FAM227B: variants seen among roughly 807,000 people sequenced by gnomAD.
The protein encoded by FAM227B is protein FAM227B.
A neutral mutation model predicts 73.8 loss-of-function variants in FAM227B; 88 were observed. That is an observed-to-expected ratio of 1.19 (90% CI 1.00 to 1.42). The LOEUF (loss-of-function observed/expected upper bound fraction) is 1.42. Among genes scored for constraint, FAM227B ranks in the 40% most tolerant of loss-of-function variants. The pLI, the probability that FAM227B is intolerant of heterozygous loss-of-function variation, is 0.00. For synonymous variants in FAM227B, 210 were observed against 190.5 expected (o/e 1.10, Z -0.84); for missense variants, 632 against 590.9 (o/e 1.07, Z -0.72).
At chr15:49,412,155 T>C (rs775405500) in intron 11 of FAM227B, among the ~76,000 whole-genome samples, 3 of 152,076 alleles carry the variant, frequency 2.0e-5, no homozygotes, top group Admixed American at 6.6e-5. Context: ...GGCTAAGAAA[T>C]GAAAGCTATA....
intron 2 of FAM227B, among the ~76,000 whole-genome samples, chr15:49,613,488 G>T (rs111693763): frequency 6.6e-6 from 1 of 152,124 alleles, no homozygotes; most frequent in Non-Finnish European, 1.5e-5. Context: ...GTGACAGAGC[G>T]AGACTCTCTC....
intron 11 of FAM227B, among the ~76,000 whole-genome samples, chr15:49,405,218 G>C (rs539323026): frequency 5.3e-5 from 8 of 152,220 alleles, no homozygotes; most frequent in Non-Finnish European, 1.0e-4. Context: ...AGAATCTGAT[G>C]ATTATGTGTC....
At chr15:49,464,604 G>C (rs1471000311) in intron 11 of FAM227B, among the ~76,000 whole-genome samples, 1 of 152,118 alleles carries the variant, frequency 6.6e-6, no homozygotes, top group African/African-American at 2.4e-5. Context: ...AATTATACAA[G>C]ATAAAAGTCA....
At chr15:49,591,716 A>G (rs531253812) in intron 3 of FAM227B, among the ~76,000 whole-genome samples, 4 of 151,568 alleles carry the variant, frequency 2.6e-5, no homozygotes, top group African/African-American at 9.7e-5. Context: ...TGAACTCCTG[A>G]CCTTGTGATC....
chr15:49,375,504 AT>A (rs35474058), intron 11 of FAM227B, among the ~76,000 whole-genome samples: 15 of 151,160 alleles, frequency 9.9e-5, no homozygotes, highest in South Asian at 2.1e-4. Flanking sequence ...AAGCATTTCT[AT>A]TTTTTTTTAT....
intron 3 of FAM227B, 72 bp downstream of exon 3, chr15:49,611,142 TA>T: frequency 1.1e-6 from 1 of 902,062 alleles, no homozygotes; most frequent in Non-Finnish European, 1.8e-6. Context: ...AAGTTTATTC[TA>T]AGCCTTCTAA....
chr15:49,334,316 A>G, intron 14 of FAM227B: 5 of 801,720 alleles, frequency 6.2e-6, no homozygotes, highest in Non-Finnish European at 7.6e-6. Flanking sequence ...GTTTGAAGTT[A>G]AATTTTAAAA....
chr15:49,465,585 A>T (rs1228536500), intron 11 of FAM227B, among the ~76,000 whole-genome samples: 1 of 132,966 alleles, frequency 7.5e-6, no homozygotes, highest in Admixed American at 7.9e-5. Context: ...ATTTAGCCAA[A>T]ACCAAAAAAG....
intron 13 of FAM227B, among the ~76,000 whole-genome samples, chr15:49,337,214 A>T (rs769050855): frequency 4.6e-5 from 7 of 152,222 alleles, no homozygotes; most frequent in Non-Finnish European, 1.0e-4. Flanking sequence ...ATACCCAGTA[A>T]TGGGACTGCT....
intron 5 of FAM227B, among the ~76,000 whole-genome samples, chr15:49,585,927 A>C (rs970832425): frequency 7.9e-5 from 12 of 152,208 alleles, no homozygotes; most frequent in African/African-American, 2.9e-4. Context: ...AGGAAGAATC[A>C]ATATCGTTAA....
chr15:49,335,671 A>C (rs2039582881), intron 13 of FAM227B, among the ~76,000 whole-genome samples, 175 bp from the exon 14 acceptor site: 1 of 152,226 alleles, frequency 6.6e-6, no homozygotes, highest in African/African-American at 2.4e-5. Context: ...TGAAAGAAGA[A>C]AACATCACTT....
At chr15:49,540,544 C>T (rs1006241738) in intron 10 of FAM227B, among the ~76,000 whole-genome samples, 2 of 152,190 alleles carry the variant, frequency 1.3e-5, no homozygotes, top group East Asian at 1.9e-4. Context: ...CCTAATCCAC[C>T]GTGTTGCTCA....
At chr15:49,335,748 T>C (rs2039594272) in intron 13 of FAM227B, among the ~76,000 whole-genome samples, 2 of 152,194 alleles carry the variant, frequency 1.3e-5, no homozygotes, top group Non-Finnish European at 2.9e-5. Context: ...GTTTCATAAA[T>C]CCTGTAATTA....
At chr15:49,509,998 C>T (rs1274983041) in intron 10 of FAM227B, among the ~76,000 whole-genome samples, 5 of 151,986 alleles carry the variant, frequency 3.3e-5, no homozygotes, top group African/African-American at 4.8e-5. Flanking sequence ...CCCATAGTTC[C>T]TCACACATCC....
chr15:49,470,082 G>T (rs2054601220), intron 11 of FAM227B, among the ~76,000 whole-genome samples: 1 of 151,942 alleles, frequency 6.6e-6, no homozygotes, highest in South Asian at 2.1e-4. Context: ...AATCAAAATG[G>T]GACATTCTAA....
rs1395568134 is a variant in FAM227B, at chr15:49,589,954, A to T, written c.159T>A (p.Thr53=). 1 of 1,608,946 alleles carries T rather than the reference A, an allele frequency of 6.2e-7. No homozygotes were observed. Among genetic ancestry groups the T allele is most frequent in the East Asian group, 2.2e-5 (1 of 44,792 alleles). Reference sequence around the variant, plus strand: ...AACTATCTTCTTTTATTTTTTTCAGAGTGCATGACCATTTATCATCATCTC... The same window carrying T: ...AACTATCTTCTTTTATTTTTTTCAGTGTGCATGACCATTTATCATCATCTC... The part of the protein sequence containing the change: ...HFRDDDKWSC[T]LKKIKEDSSF... Residue 53 remains threonine, a synonymous_variant, in exon 4 of 16, where the codon ACT becomes ACA. Coordinates refer to ENST00000299338, the MANE Select transcript of FAM227B (RefSeq NM_152647.3).
chr15:49,499,758 G>A (rs1046374377), intron 11 of FAM227B, among the ~76,000 whole-genome samples: 3 of 152,130 alleles, frequency 2.0e-5, no homozygotes, highest in African/African-American at 7.2e-5. Flanking sequence ...AAGATAATTC[G>A]ATGAGGAGAG....
At chr15:49,545,686 C>T (rs2071736720) in intron 9 of FAM227B, among the ~76,000 whole-genome samples, 1 of 152,056 alleles carries the variant, frequency 6.6e-6, no homozygotes, top group African/African-American at 2.4e-5. Flanking sequence ...TTAGATAGGT[C>T]ATGTCAGTAT....
chr15:49,413,505 C>A (rs1001140475), intron 11 of FAM227B, among the ~76,000 whole-genome samples: 1 of 152,028 alleles, frequency 6.6e-6, no homozygotes, highest in Non-Finnish European at 1.5e-5. Flanking sequence ...CTCCAACATA[C>A]ATCTAACTAC....
Sources: gnomAD v4.1 joint callset for allele counts (sites outside exome capture counted in the v4.1 genomes callset) on GRCh38, gnomAD v4.1.1 for gene constraint, MANE v1.5 for transcripts, NCBI Gene and HGNC (gene_info 2026-07-23, HGNC 2026-07-21) for gene names.